PEX5L: variants seen among roughly 807,000 people sequenced by gnomAD.
PEX5L encodes PEX5-related protein.
Under a neutral mutation model 84.0 loss-of-function variants are expected in PEX5L, and 30 were observed. The ratio of observed to expected loss-of-function variants is 0.36; its 90% CI spans 0.27 to 0.48. The LOEUF (loss-of-function observed/expected upper bound fraction) is 0.48, where lower values mean the gene tolerates loss of function less well. Among genes scored for constraint, PEX5L ranks in the 20% least tolerant of loss-of-function variants. PEX5L has a pLI of 0.99. For synonymous variants in PEX5L, 270 were observed against 283.1 expected, an observed-to-expected ratio of 0.95 and a Z score of 0.46; for missense variants, 533 against 754.6, an observed-to-expected ratio of 0.71 and a Z score of 3.44.
rs541812012 is a variant in PEX5L at position 179,894,403 on chromosome 3, C to G, written c.198+3739G>C. On this transcript the variant is annotated intron_variant, in intron 3 of 14. Coordinates refer to ENST00000467460, the MANE Select transcript of PEX5L (RefSeq NM_016559.3). ...GCCCCACCCCCCACTTCCTATTAGT[C>G]TTCTGGTAACGGATAATCAAGTGAT... is the stretch of plus-strand genomic sequence containing the variant. Among the ~76,000 whole-genome samples, 18 of 152,148 alleles carry G rather than the reference C, an allele frequency of 1.2e-4. No individual in the cohort carries two copies. The South Asian group carries it at 3.1e-3, about 26-fold the overall frequency.
At chr3:179,849,649 T>C (rs1741011861) in intron 8 of PEX5L, among the ~76,000 whole-genome samples, 1 of 152,228 alleles carries the variant, frequency 6.6e-6, no homozygotes, top group Non-Finnish European at 1.5e-5. Context: ...AGACTCTCTT[T>C]GAAGAGAAAA....
At chr3:179,812,242 A>G (rs1309391466) in intron 10 of PEX5L, among the ~76,000 whole-genome samples, 1 of 152,194 alleles carries the variant, frequency 6.6e-6, no homozygotes, top group Non-Finnish European at 1.5e-5. Flanking sequence ...TAGCTAAATG[A>G]AATTTACAAT....
chr3:180,026,887 T>G (rs1791003805), intron 1 of PEX5L, among the ~76,000 whole-genome samples: 1 of 152,152 alleles, frequency 6.6e-6, no homozygotes, highest in Non-Finnish European at 1.5e-5. Context: ...TAAACTCTCT[T>G]TCTACATTTG....
At chr3:179,840,300 C>T (rs193245766) in intron 8 of PEX5L, among the ~76,000 whole-genome samples, 6 of 147,784 alleles carry the variant, frequency 4.1e-5, no homozygotes, top group Admixed American at 1.4e-4. Flanking sequence ...GTGATTCTCC[C>T]GTCTTAGCCT....
chr3:179,929,359 T>G (rs907326038), intron 2 of PEX5L, among the ~76,000 whole-genome samples: 3 of 152,194 alleles, frequency 2.0e-5, no homozygotes, highest in African/African-American at 7.2e-5. Context: ...AGTTGATTCC[T>G]CATTTAAAAT....
chr3:180,016,739 T>A (rs545227416), intron 1 of PEX5L, among the ~76,000 whole-genome samples: 1 of 152,232 alleles, frequency 6.6e-6, no homozygotes, highest in Non-Finnish European at 1.5e-5. Flanking sequence ...GATGTAAATC[T>A]ATACTTAGTT....
intron 1 of PEX5L, among the ~76,000 whole-genome samples, chr3:179,994,907 G>T (rs1235335942): frequency 1.3e-5 from 2 of 151,886 alleles, no homozygotes; most frequent in Admixed American, 6.6e-5. Context: ...TCTGTTTTGG[G>T]ACTCGGACTG....
intron 2 of PEX5L, among the ~76,000 whole-genome samples, chr3:179,937,667 G>T (rs1424492614): frequency 1.3e-5 from 2 of 152,124 alleles, no homozygotes; most frequent in Non-Finnish European, 2.9e-5. Flanking sequence ...TAGAAGTCAG[G>T]TCAGCTCTTT....
At chr3:179,920,359 C>A (rs1343627507) in intron 2 of PEX5L, among the ~76,000 whole-genome samples, 1 of 152,086 alleles carries the variant, frequency 6.6e-6, no homozygotes, top group Non-Finnish European at 1.5e-5. Context: ...TGGGTTGGGC[C>A]TTTTGTAAAA....
At chr3:179,841,235 G>C (rs748473242) in intron 8 of PEX5L, among the ~76,000 whole-genome samples, 1 of 151,964 alleles carries the variant, frequency 6.6e-6, no homozygotes, top group African/African-American at 2.4e-5. Flanking sequence ...ACCAGCCCCC[G>C]CCCCAACCTG....
At chr3:179,854,247 A>G (rs1377869531) in intron 8 of PEX5L, among the ~76,000 whole-genome samples, 1 of 151,874 alleles carries the variant, frequency 6.6e-6, no homozygotes, top group African/African-American at 2.4e-5. Context: ...GAGGAATGAC[A>G]GTCTTTGCAC....
chr3:179,868,142 A>G (rs924696772), intron 7 of PEX5L, among the ~76,000 whole-genome samples: 2 of 150,274 alleles, frequency 1.3e-5, no homozygotes, highest in Admixed American at 1.3e-4. Flanking sequence ...GGTCTCCCAA[A>G]GTGCTAGGAT....
chr3:179,905,699 C>T (rs1762966571), intron 2 of PEX5L, among the ~76,000 whole-genome samples: 1 of 151,848 alleles, frequency 6.6e-6, no homozygotes, highest in South Asian at 2.1e-4. Flanking sequence ...AGGAACAGAA[C>T]TGTCCAATAC....
chr3:179,997,584 C>T (rs191747046), intron 1 of PEX5L, among the ~76,000 whole-genome samples: 39 of 152,312 alleles, frequency 2.6e-4, no homozygotes, highest in African/African-American at 8.7e-4. Flanking sequence ...GTGCCACCAT[C>T]GAGGACTTGA....
intron 1 of PEX5L, among the ~76,000 whole-genome samples, chr3:179,981,769 C>T (rs541776707): frequency 1.3e-5 from 2 of 151,492 alleles, no homozygotes; most frequent in Non-Finnish European, 2.9e-5. Context: ...ATTCTGTAAA[C>T]AGTATCTAAA....
chr3:179,930,717 A>G (rs1274265327), intron 2 of PEX5L, among the ~76,000 whole-genome samples: 2 of 152,216 alleles, frequency 1.3e-5, no homozygotes, highest in East Asian at 3.8e-4. Context: ...TTCAAAGTGG[A>G]TAATTTTACT....
chr3:179,927,077 A>G (rs1771676634), intron 2 of PEX5L, among the ~76,000 whole-genome samples: 1 of 152,240 alleles, frequency 6.6e-6, no homozygotes, highest in East Asian at 1.9e-4. Context: ...AGCTCAAATT[A>G]TTTTTAATTA....
At chr3:179,895,723 A>T (rs1007423082) in intron 3 of PEX5L, 4 of 152,150 alleles carry the variant, frequency 2.6e-5, no homozygotes, top group African/African-American at 9.7e-5. Context: ...AATACAAAAA[A>T]GTTCTAGAAT....
chr3:179,912,528 TTTAAA>T (rs1409539453), intron 2 of PEX5L, among the ~76,000 whole-genome samples: 1 of 152,150 alleles, frequency 6.6e-6, no homozygotes, highest in Non-Finnish European at 1.5e-5. Flanking sequence ...ATGCTATTTA[TTTAAA>T]TTAAACTTTT....
Sources: allele counts gnomAD v4.1 joint callset (sites outside exome capture counted in the v4.1 genomes callset), GRCh38; gene constraint gnomAD v4.1.1; transcripts MANE v1.5; gene names NCBI Gene and HGNC (gene_info 2026-07-23, HGNC 2026-07-21).